The following DESI1 variants were observed in gnomAD, a reference collection of about 807,000 sequenced individuals.
The protein encoded by DESI1 is desumoylating isopeptidase 1.
Under a neutral mutation model 22.4 loss-of-function variants are expected in DESI1, and 17 were observed. The ratio of observed to expected loss-of-function variants is 0.76; its 90% CI spans 0.52 to 1.14. DESI1 has a LOEUF of 1.14. Ranked by LOEUF, DESI1 falls within the 50% of genes most tolerant of loss-of-function variation. The pLI is 0.00. For synonymous variants in DESI1, 92 were observed against 84.2 expected, an observed-to-expected ratio of 1.09 and a Z score of -0.51; for missense variants, 177 against 208.9, an observed-to-expected ratio of 0.85 and a Z score of 0.94.
chr22:41,606,618 CA>C (rs1477320569), intron 3 of DESI1, among the ~76,000 whole-genome samples: 3 of 151,480 alleles, frequency 2.0e-5, no homozygotes, highest in Non-Finnish European at 4.4e-5. Flanking sequence ...CTAAAATATA[CA>C]AAAAATTAGC....
rs2147035983 is a variant in DESI1, at chr22:41,601,066, T to TG, written c.*30dup. On this transcript the variant is annotated 3_prime_UTR_variant, in exon 6 of 6. Coordinates refer to ENST00000263256, the MANE Select transcript of DESI1 (RefSeq NM_015704.3). Reference sequence around the variant, plus strand: ...TGTTTTGTTTAAAAAGGAAAAGCCCTGGTGAGGCAGGGCGGTCCCAGGCAG... The same window carrying TG: ...TGTTTTGTTTAAAAAGGAAAAGCCCTGGGTGAGGCAGGGCGGTCCCAGGCAG... 4 of 1,589,568 alleles carry TG rather than the reference T, an allele frequency of 2.5e-6. No individual in the cohort carries two copies. The highest frequency in any genetic ancestry group is 3.4e-6 in the Non-Finnish European group (4 of 1,160,336).
intron 1 of DESI1, among the ~76,000 whole-genome samples, chr22:41,609,481 C>A (rs2067503470): frequency 6.6e-6 from 1 of 152,174 alleles, no homozygotes; most frequent in African/African-American, 2.4e-5. Flanking sequence ...AGGGTAAAGA[C>A]TTCCAGAAGA....
intron 1 of DESI1, among the ~76,000 whole-genome samples, chr22:41,616,023 G>A (rs1388575246): frequency 6.6e-6 from 1 of 152,108 alleles, no homozygotes; most frequent in African/African-American, 2.4e-5. Flanking sequence ...TGGGTGGATC[G>A]CCTGAGATCA....
At position 41,604,130 on chromosome 22, in the gene DESI1, T is replaced by C; in HGVS notation, c.204A>G (p.Pro68=). Residue 68 remains proline, a synonymous_variant, in exon 4 of 6, where the codon CCA becomes CCG. Transcript: ENST00000263256. ...TACTCCCCACATCAACCACAGAGTC[T>C]GGAGGCCCAAGCAATGTCCCTCCCT... ...CPPGGTLLGP[P]DSVVDVGSTE... is the part of the protein sequence containing the mutation. The C allele has an allele frequency of 4.3e-6, 7 of 1,613,926 alleles. No homozygotes were observed. The highest frequency in any genetic ancestry group is 5.9e-6 in the Non-Finnish European group (7 of 1,179,972).
chr22:41,611,192 C>T (rs1244910014), intron 1 of DESI1, among the ~76,000 whole-genome samples: 1 of 152,206 alleles, frequency 6.6e-6, no homozygotes, highest in Admixed American at 6.5e-5. Flanking sequence ...TGCAGTGGCA[C>T]GATCTTGGCT....
At chr22:41,603,168 G>A in intron 5 of DESI1, 91 bp downstream of exon 5, 1 of 1,589,078 alleles carries the variant, frequency 6.3e-7, no homozygotes, top group Non-Finnish European at 8.6e-7. Flanking sequence ...CTGGTTGGGA[G>A]GGCAGATGGG....
intron 1 of DESI1, among the ~76,000 whole-genome samples, chr22:41,619,628 G>C (rs2067571760): frequency 6.6e-6 from 1 of 152,186 alleles, no homozygotes; most frequent in South Asian, 2.1e-4. Flanking sequence ...CACCCTAGAT[G>C]ATTTTGATGT....
At position 41,607,350 on chromosome 22, in the gene DESI1, C is replaced by G. The variant is rs766411838; in HGVS notation, c.111-19G>C. On this transcript the variant is annotated intron_variant, in intron 2 of 5. Transcript: ENST00000263256. Reference sequence around the variant, plus strand: ...TGTGTGCCTGTCACACAGAGAGAGACACAGTAAGCCAGAAAACTTAAACTT... The same window carrying G: ...TGTGTGCCTGTCACACAGAGAGAGAGACAGTAAGCCAGAAAACTTAAACTT... The G allele has an allele frequency of 3.8e-6, 6 of 1,586,636 alleles. No homozygotes were observed. The highest frequency in any genetic ancestry group is 3.4e-5 in the South Asian group (3 of 87,010).
At chr22:41,616,687 GA>G (rs2067553366) in intron 1 of DESI1, among the ~76,000 whole-genome samples, 1 of 152,088 alleles carries the variant, frequency 6.6e-6, no homozygotes, top group South Asian at 2.1e-4. Context: ...TGGTGACTAT[GA>G]AAAAAGGTGC....
chr22:41,612,403 G>A (rs2067522955), intron 1 of DESI1, among the ~76,000 whole-genome samples: 1 of 151,890 alleles, frequency 6.6e-6, no homozygotes. Context: ...TAGCTACTCG[G>A]GAGGCTGAGA....
At chr22:41,606,156 G>A (rs1162005064) in intron 3 of DESI1, among the ~76,000 whole-genome samples, 1 of 152,024 alleles carries the variant, frequency 6.6e-6, no homozygotes, top group African/African-American at 2.4e-5. Context: ...GAGCCCAGGA[G>A]TTTGAGATCA....
intron 3 of DESI1, among the ~76,000 whole-genome samples, 162 bp downstream of exon 3, chr22:41,607,100 A>C (rs757618937): frequency 2.8e-4 from 43 of 152,152 alleles, no homozygotes; most frequent in Non-Finnish European, 5.9e-4. Flanking sequence ...AACAGAGAGG[A>C]GAGGAACTGG....
At chr22:41,608,072 A>G (rs1252778844) in intron 1 of DESI1, among the ~76,000 whole-genome samples, 1 of 152,206 alleles carries the variant, frequency 6.6e-6, no homozygotes. Flanking sequence ...ATCAGAATGC[A>G]AGATTAAAAA....
chr22:41,602,377 G>A (rs1391696685), intron 5 of DESI1: 19 of 985,302 alleles, frequency 1.9e-5, no homozygotes, highest in South Asian at 4.7e-5. Context: ...CAAACTCATC[G>A]AATGATAGGA....
At chr22:41,602,331 C>G in intron 5 of DESI1, 2 of 985,446 alleles carry the variant, frequency 2.0e-6, no homozygotes, top group Non-Finnish European at 1.2e-6. Flanking sequence ...GCTCAGGGCC[C>G]CATAACCTAG....
chr22:41,615,211 C>T (rs563289029), intron 1 of DESI1, among the ~76,000 whole-genome samples: 4 of 146,130 alleles, frequency 2.7e-5, no homozygotes, highest in East Asian at 4.1e-4. Flanking sequence ...GGGAGGATCA[C>T]GAGGTCAGGA....
rs977800345 is a variant in DESI1 at position 41,607,774 on chromosome 22, C to G, written c.110+66G>C. The G allele has an allele frequency of 2.5e-6, 4 of 1,584,772 alleles. No individual in the cohort carries two copies. In the African/African-American group the frequency reaches 5.4e-5, roughly 21 times the overall value. On this transcript the variant is annotated intron_variant, in intron 2 of 5. Transcript: ENST00000263256. Reference sequence around the variant, plus strand: ...TCATGCTGGAAGCCACAGACTAGAACCTGAAATGCATAGAGTGCTGCCTTG... The same window carrying G: ...TCATGCTGGAAGCCACAGACTAGAAGCTGAAATGCATAGAGTGCTGCCTTG...
intron 5 of DESI1, chr22:41,602,414 G>T (rs1179963339): frequency 2.0e-6 from 2 of 985,298 alleles, no homozygotes; most frequent in Non-Finnish European, 2.4e-6. Flanking sequence ...GGCGGACTGG[G>T]GCTCCTCACC....
In DESI1 at chr22:41,605,605, C is replaced by A. The variant is rs144567503; in HGVS notation, c.181-1452G>T. Among the ~76,000 whole-genome samples the A allele has an allele frequency of 1.4e-3, 211 of 152,274 alleles. 3 individuals carry two copies. The highest frequency in any genetic ancestry group is 4.9e-3 in the African/African-American group (204 of 41,546). On this transcript the variant is annotated intron_variant, in intron 3 of 5. Transcript: ENST00000263256. ...AAGAAACTAAAAGGTCACTCTTTGA[C>A]CCCTCTTATTCACTCATATAACAAC...
Sources: gnomAD v4.1 joint callset for allele counts (sites outside exome capture counted in the v4.1 genomes callset) on GRCh38, gnomAD v4.1.1 for gene constraint, MANE v1.5 for transcripts, NCBI Gene and HGNC (gene_info 2026-07-23, HGNC 2026-07-21) for gene names.